DENND4C: variants seen among roughly 807,000 people sequenced by gnomAD.
DENND4C encodes DENN domain-containing protein 4C.
DENND4C carries 108 observed loss-of-function variants against 203.0 expected under a neutral mutation model. The ratio of observed to expected loss-of-function variants is 0.53; its 90% confidence interval spans 0.46 to 0.62. The LOEUF (loss-of-function observed/expected upper bound fraction) is 0.62. Ranked by LOEUF, DENND4C falls within the 20% of genes least tolerant of loss-of-function variation. DENND4C has a pLI of 0.00. For missense variants in DENND4C, 2,481 were observed against 2,301.2 expected (o/e 1.08, Z -1.60); for synonymous variants, 871 against 792.4 (o/e 1.10, Z -1.67).
intron 1 of DENND4C, among the ~76,000 whole-genome samples, chr9:19,272,945 CTTTTTTTTTTT>C (rs35973945): frequency 1.2e-5 from 1 of 86,610 alleles, no homozygotes; most frequent in Non-Finnish European, 2.3e-5. Context: ...TTTTTGTATC[CTTTTTTTTTTT>C]TTTTTTTTTT....
Position 19,316,653 on chromosome 9 carries a change from G to A in DENND4C, c.1621G>A (p.Asp541Asn), listed in dbSNP as rs1362870820. 3 of 1,614,022 alleles carry A rather than the reference G, an allele frequency of 1.9e-6. No individual in the cohort carries two copies. The highest frequency in any genetic ancestry group is 2.2e-5 in the South Asian group (2 of 91,062). The change falls in exon 12 of 33, where the codon GAC becomes AAC. Residue 541 changes from aspartate to asparagine, a missense_variant. Asp to Asn is a conservative substitution (Grantham distance 23, BLOSUM62 1). Coordinates refer to ENST00000434457, the MANE Select transcript of DENND4C (RefSeq NM_001330640.2). ...HQKTQEGSAIDMTPIEADFSW... is the reference protein window; with the variant it reads ...HQKTQEGSAINMTPIEADFSW... ...AAAAACTCAAGAAGGCTCAGCGATT[G>A]ACATGACTCCAATTGAAGCAGATTT...
In DENND4C at chr9:19,257,369, AAG is replaced by A. The variant is rs1416060825; in HGVS notation, c.-17-18787_-17-18786del. ...ACACTCTGTCTCAAAAAAAAAAAAAAAGAAAACACAACATATCTAGATTTGTG... is the reference window on the plus strand; with the variant it reads ...ACACTCTGTCTCAAAAAAAAAAAAAAAAAACACAACATATCTAGATTTGTG... On this transcript the variant is annotated intron_variant, in intron 1 of 32. Coordinates refer to ENST00000434457, the MANE Select transcript of DENND4C (RefSeq NM_001330640.2). Among the ~76,000 whole-genome samples, 21 of 151,520 alleles carry A rather than the reference AAG, an allele frequency of 1.4e-4. No individual in the cohort carries two copies. In the East Asian group the frequency reaches 3.7e-3, roughly 27 times the overall value.
Position 19,305,512 on chromosome 9 carries a change from C to A in DENND4C, c.1472C>A (p.Thr491Lys), listed in dbSNP as rs1378366834. The A allele has an allele frequency of 6.2e-7, 1 of 1,612,306 alleles. No homozygotes were observed. Among genetic ancestry groups the A allele is most frequent in the Non-Finnish European group, 8.5e-7 (1 of 1,179,724 alleles). ...GATGTTGTTTGCATTGACTTGGATA[C>A]GAACATGTTATATGTGTAAGTTGAT... ...PQDVVCIDLD[T>K]NMLYVSDEKK... is the part of the protein sequence containing the mutation. The change falls in exon 10 of 33, where the codon ACG becomes AAG. Residue 491 changes from threonine (T) to lysine (K), a missense_variant. Transcript: ENST00000434457.
chr9:19,340,457 A>G (rs1821344767), intron 20 of DENND4C, among the ~76,000 whole-genome samples: 1 of 151,506 alleles, frequency 6.6e-6, no homozygotes, highest in South Asian at 2.1e-4. Flanking sequence ...CACCCCTTCT[A>G]TCTTACTGAT....
rs568928819 is a variant in DENND4C at position 19,328,022 on chromosome 9, T to C, written c.2121-8T>C. ...AAATCAGCAGTTCTATTTTTTTTTTTATTTTAGTTACAAATACTTTCCAAG... is the reference window on the plus strand; with the variant it reads ...AAATCAGCAGTTCTATTTTTTTTTTCATTTTAGTTACAAATACTTTCCAAG... On this transcript the variant is annotated splice_region_variant and splice_polypyrimidine_tract_variant and intron_variant, in intron 15 of 32. Coordinates refer to ENST00000434457, the MANE Select transcript of DENND4C (RefSeq NM_001330640.2). 2.1e-5 allele frequency: 34 copies of C among 1,581,428 alleles called. No individual in the cohort carries two copies. The highest frequency in any genetic ancestry group is 2.8e-5 in the African/African-American group (2 of 72,548).
At chr9:19,336,929 G>C (rs1261217302) in intron 20 of DENND4C, 97 bp downstream of exon 20, 2 of 1,203,472 alleles carry the variant, frequency 1.7e-6, no homozygotes, top group Non-Finnish European at 2.3e-6. Context: ...TGTGTGATAT[G>C]ACTACTTTAA....
At chr9:19,269,082 C>T (rs10757043) in intron 1 of DENND4C, among the ~76,000 whole-genome samples, 1 of 151,876 alleles carries the variant, frequency 6.6e-6, no homozygotes, top group African/African-American at 2.4e-5. Flanking sequence ...CCTTTTGAGG[C>T]TATTTTCTAG....
At position 19,369,819 on chromosome 9, in the gene DENND4C, CTG is replaced by C; in HGVS notation, c.5525-14_5525-13del. The C allele has an allele frequency of 6.9e-7, 1 of 1,455,972 alleles. No homozygotes were observed. Among genetic ancestry groups the C allele is most frequent in the Non-Finnish European group, 9.1e-7 (1 of 1,099,072 alleles). The allele number at this position is 1,455,972 out of a possible 1,614,324, so 90.2% of individuals were successfully genotyped here. Reference sequence around the variant, plus strand: ...ATAGTAATAATTGAAAAAAAACTTACTGTGTTCTTATTGTTAGATTCTGAAAA... The same window carrying C: ...ATAGTAATAATTGAAAAAAAACTTACTGTTCTTATTGTTAGATTCTGAAAA... On this transcript the variant is annotated splice_polypyrimidine_tract_variant and intron_variant, in intron 30 of 32. Transcript: ENST00000434457.
In DENND4C at chr9:19,332,152, A is replaced by T. The variant is rs141154741; in HGVS notation, c.2428A>T (p.Met810Leu). Reference sequence around the variant, plus strand: ...GCAGGCATATGATGTACTTATTAAGATGAGGAAAACAGATGTGGATCCCTT... The same window carrying T: ...GCAGGCATATGATGTACTTATTAAGTTGAGGAAAACAGATGTGGATCCCTT... ...LQQAYDVLIK[M>L]RKTDVDPLDE... The change falls in exon 17 of 33, where the codon ATG (methionine) becomes TTG (leucine). Residue 810 changes from methionine (M) to leucine (L), a missense_variant. Met to Leu is a conservative substitution (Grantham distance 15). Around this residue, in one of 3 missense-constraint regions of DENND4C, gnomAD observed 2,289 missense variants for 2,113.3 expected, o/e 1.08. Coordinates refer to ENST00000434457, the MANE Select transcript of DENND4C (RefSeq NM_001330640.2). The T allele has an allele frequency of 6.2e-7, 1 of 1,614,006 alleles. No homozygotes were observed. Among genetic ancestry groups the T allele is most frequent in the African/African-American group, 1.3e-5 (1 of 75,036 alleles).
At position 19,237,344 on chromosome 9, in the gene DENND4C, T is replaced by C. The variant is rs575277938; in HGVS notation, c.-18+6511T>C. ...GACAGCTTTTAGATTCAGGATTTTG[T>C]TTTTTGTTTGTGTTTTTTTGTTTTT... On this transcript the variant is annotated intron_variant, in intron 1 of 32. Coordinates refer to ENST00000434457, the MANE Select transcript of DENND4C (RefSeq NM_001330640.2). 6.0e-5 allele frequency among the ~76,000 whole-genome samples: 9 copies of C among 151,212 alleles called. No individual in the cohort carries two copies. The South Asian group carries it at 1.9e-3, about 32-fold the overall frequency.
chr9:19,349,066 T>C (rs1207605454), intron 23 of DENND4C, among the ~76,000 whole-genome samples: 5 of 152,166 alleles, frequency 3.3e-5, no homozygotes, highest in Non-Finnish European at 7.4e-5. Flanking sequence ...CCCAAAGTGC[T>C]GGGATTACAG....
intron 10 of DENND4C, among the ~76,000 whole-genome samples, chr9:19,311,849 T>C (rs1348486764): frequency 6.6e-6 from 1 of 152,214 alleles, no homozygotes; most frequent in South Asian, 2.1e-4. Context: ...GAGATATATA[T>C]GATGACAGCT....
chr9:19,297,265 A>G (rs1295661773), intron 6 of DENND4C, among the ~76,000 whole-genome samples: 1 of 152,204 alleles, frequency 6.6e-6, no homozygotes, highest in Non-Finnish European at 1.5e-5. Context: ...GGTAGGGGTA[A>G]TTATGTGAGG....
chr9:19,358,107 C>T lies in DENND4C; in HGVS notation c.5107C>T (p.Pro1703Ser), dbSNP rs866197182. 2 of 1,613,904 alleles carry T rather than the reference C, an allele frequency of 1.2e-6. No homozygotes were observed. The highest frequency in any genetic ancestry group is 2.2e-5 in the South Asian group (2 of 91,060). Residue 1703 changes from proline (P) to serine (S), a missense_variant, in exon 28 of 33, where the codon CCG becomes TCG. Around this residue, in one of 3 missense-constraint regions of DENND4C, gnomAD observed 2,289 missense variants for 2,113.3 expected, o/e 1.08. Coordinates refer to ENST00000434457, the MANE Select transcript of DENND4C (RefSeq NM_001330640.2). The surrounding 1 kb of genome is among the most constrained non-coding windows in gnomAD (Gnocchi z 4.8). ...GCAGAATATTGACTTTACCCAGCGACCGTTTCATGGCATCTCAACAGTTAG... is the reference window on the plus strand; with the variant it reads ...GCAGAATATTGACTTTACCCAGCGATCGTTTCATGGCATCTCAACAGTTAG... Reference protein sequence around the residue: ...PLQNIDFTQRPFHGISTVSLP... With the variant: ...PLQNIDFTQRSFHGISTVSLP...
rs1463896511 is a variant in DENND4C at position 19,335,068 on chromosome 9, T to C, written c.2552T>C (p.Ile851Thr). Reference sequence around the variant, plus strand: ...TTATTTGAAATGAAAACTGCTAGGATAAAGCCTAATGCTATTACTTATGGT... The same window carrying C: ...TTATTTGAAATGAAAACTGCTAGGACAAAGCCTAATGCTATTACTTATGGT... ...RVLFEMKTARIKPNAITYGYY... is the reference protein window; with the variant it reads ...RVLFEMKTARTKPNAITYGYY... Residue 851 changes from isoleucine (I) to threonine (T), a missense_variant, in exon 18 of 33, where the codon ATA (isoleucine) becomes ACA (threonine). Around this residue, in one of 3 missense-constraint regions of DENND4C, gnomAD observed 2,289 missense variants for 2,113.3 expected, o/e 1.08. Coordinates refer to ENST00000434457, the MANE Select transcript of DENND4C (RefSeq NM_001330640.2). 6.2e-7 allele frequency: 1 copy of C among 1,612,356 alleles called. No individual in the cohort carries two copies. Among genetic ancestry groups the C allele is most frequent in the Non-Finnish European group, 8.5e-7 (1 of 1,179,070 alleles).
intron 1 of DENND4C, among the ~76,000 whole-genome samples, chr9:19,259,473 G>T (rs73425086): frequency 0.051 from 7,656 of 150,772 alleles, 339 homozygotes; most frequent in African/African-American, 0.12. Flanking sequence ...GTACTCCGTT[G>T]GGTATATATA....
chr9:19,241,055 T>TA (rs1823574287), intron 1 of DENND4C, among the ~76,000 whole-genome samples: 1 of 152,188 alleles, frequency 6.6e-6, no homozygotes. Context: ...ATAGGGCACT[T>TA]ACCACGAGAG....
chr9:19,295,068 C>T (rs1837150560), intron 5 of DENND4C, among the ~76,000 whole-genome samples: 1 of 152,048 alleles, frequency 6.6e-6, no homozygotes, highest in South Asian at 2.1e-4. Context: ...ATATATTTCA[C>T]CCCAATTAAA....
rs1055127570 is a variant in DENND4C at position 19,276,274 on chromosome 9, A to G, written c.100A>G (p.Thr34Ala). The G allele has an allele frequency of 8.1e-6, 10 of 1,232,072 alleles. No individual in the cohort carries two copies. In the African/African-American group the frequency reaches 1.4e-4, roughly 17 times the overall value. The allele number at this position is 1,232,072 out of a possible 1,614,324, so 76.3% of individuals were successfully genotyped here. The change falls in exon 2 of 33, where the codon ACT becomes GCT. Residue 34 changes from threonine (T) to alanine (A), a missense_variant. Transcript: ENST00000434457. Reference protein sequence around the residue: ...LLDQEINRLDTKSTGPKAPIT... With the variant: ...LLDQEINRLDAKSTGPKAPIT... ...GGATCAAGAAATAAATCGTTTAGATACTAAGTCAACTGGACCTAAAGCTCC... is the reference window on the plus strand; with the variant it reads ...GGATCAAGAAATAAATCGTTTAGATGCTAAGTCAACTGGACCTAAAGCTCC...
Sources: allele counts gnomAD v4.1 joint callset (sites outside exome capture counted in the v4.1 genomes callset), GRCh38; gene constraint gnomAD v4.1.1; regional missense constraint gnomAD v4.1.1; non-coding constraint Gnocchi (gnomAD v3.1); transcripts MANE v1.5; gene names NCBI Gene and HGNC (gene_info 2026-07-23, HGNC 2026-07-21).